GORAB: variants seen among roughly 807,000 people sequenced by gnomAD.
GORAB encodes the protein golgin, RAB6 interacting, also known as RAB6-interacting golgin.
In GORAB, 17 loss-of-function variants were observed where a neutral mutation model predicts 29.9. The observed-to-expected ratio is 0.57, with a 90% CI of 0.39 to 0.85. GORAB has a LOEUF of 0.85. GORAB is among the 40% of genes least tolerant of loss of function. The probability of loss-of-function intolerance (pLI) is 0.00; values close to 1 mark genes in which losing one functional copy is unlikely to be tolerated. For synonymous variants in GORAB, 183 were observed against 157.2 expected (o/e 1.16, Z -1.23); for missense variants, 442 against 437.8 (o/e 1.01, Z -0.09).
chr1:170,546,359 C>T (rs1260560820), intron 4 of GORAB, among the ~76,000 whole-genome samples: 1 of 151,534 alleles, frequency 6.6e-6, no homozygotes, highest in Non-Finnish European at 1.5e-5. Flanking sequence ...CACTGCACTC[C>T]AGCCTGGGCA....
chr1:170,538,770 A>C (rs1649208523), intron 1 of GORAB, among the ~76,000 whole-genome samples: 1 of 152,244 alleles, frequency 6.6e-6, no homozygotes, highest in Admixed American at 6.5e-5. Flanking sequence ...GTTAAAATTT[A>C]AGAGAGGGTA....
chr1:170,538,261 C>A (rs1438909078), intron 1 of GORAB, among the ~76,000 whole-genome samples: 2 of 152,146 alleles, frequency 1.3e-5, no homozygotes, highest in African/African-American at 2.4e-5. Context: ...TTTAACTATA[C>A]TTTGGGAAAT....
rs1256518323 is a variant in GORAB, at chr1:170,553,343, A to T, written c.*881A>T. 1 of 452,864 alleles carries T rather than the reference A, an allele frequency of 2.2e-6. No individual in the cohort carries two copies. Among genetic ancestry groups the T allele is most frequent in the South Asian group, 1.6e-5 (1 of 63,868 alleles). 28.1% of individuals were successfully genotyped at this position (452,864 alleles called of 1,614,324 possible). ...GTCATGAAGCGTTTAAATTGTTAAA[A>T]TGCTGATTTTCTTATTAGTTTGTTA... On this transcript the variant is annotated 3_prime_UTR_variant, in exon 5 of 5. Transcript: ENST00000367763.
intron 3 of GORAB, among the ~76,000 whole-genome samples, chr1:170,543,958 T>A (rs1026532581): frequency 1.3e-5 from 2 of 152,128 alleles, no homozygotes; most frequent in South Asian, 4.1e-4. Context: ...CATGGTGGAT[T>A]TATGTGGGGA....
rs748072444 is a variant in GORAB, at chr1:170,542,471, A to G, written c.420-20A>G. 1.3e-6 allele frequency: 2 copies of G among 1,512,024 alleles called. No homozygotes were observed. Among genetic ancestry groups the G allele is most frequent in the Non-Finnish European group, 1.8e-6 (2 of 1,087,098 alleles). 93.7% of individuals were successfully genotyped at this position (1,512,024 alleles called of 1,614,324 possible). The stretch of plus-strand genomic sequence containing the variant: ...CTTTTTCTTTCATAAACTCATTTTT[A>G]TGCTTTTTTTGCCCCCTAGGCAAGA... On this transcript the variant is annotated intron_variant, in intron 2 of 4. Coordinates refer to ENST00000367763, the MANE Select transcript of GORAB (RefSeq NM_152281.3).
rs1649722593 is a variant in GORAB, at chr1:170,545,820, A to C, written c.662+975A>C. 3.5e-6 allele frequency: 3 copies of C among 846,632 alleles called. No homozygotes were observed. In the Admixed American group the frequency reaches 1.9e-4, roughly 53 times the overall value. The allele number at this position is 846,632 out of a possible 1,614,324, so 52.4% of individuals were successfully genotyped here. A position where few individuals can be genotyped will look rare whatever the true frequency, so the allele number is the denominator to read the frequency against. On this transcript the variant is annotated intron_variant, in intron 4 of 4. Coordinates refer to ENST00000367763, the MANE Select transcript of GORAB (RefSeq NM_152281.3). ...TTGTGGTTGTCCTTGTGACTTTTGT[A>C]ATTGTTGTTGGACCATATGCTATTA... is the stretch of plus-strand genomic sequence containing the variant.
chr1:170,552,389 G>A lies in GORAB; in HGVS notation c.1037G>A (p.Ser346Asn). The change falls in exon 5 of 5, where the codon AGT becomes AAT. Residue 346 changes from serine to asparagine, a missense_variant. Ser to Asn is a conservative substitution (Grantham distance 46). Transcript: ENST00000367763. ...GTAGATGACCAGTGTGGAAATTCCA[G>A]TAGCATCCCCTTTCTTAGTCCAAAC... The part of the protein sequence containing the change: ...PKVDDQCGNS[S>N]SIPFLSPNCP... 1 of 1,614,124 alleles carries A rather than the reference G, an allele frequency of 6.2e-7. No individual in the cohort carries two copies. Among genetic ancestry groups the A allele is most frequent in the East Asian group, 2.2e-5 (1 of 44,888 alleles).
chr1:170,552,298 G>C lies in GORAB; in HGVS notation c.946G>C (p.Glu316Gln). Reference sequence around the variant, plus strand: ...AGAGAGGCCATTTCAGCCTGCGGAGGAGAGTGTGACATTAGAATTTGCTAA... The same window carrying C: ...AGAGAGGCCATTTCAGCCTGCGGAGCAGAGTGTGACATTAGAATTTGCTAA... ...RLERPFQPAE[E>Q]SVTLEFAKEN... is the part of the protein sequence containing the mutation. The change falls in exon 5 of 5, where the codon GAG (glutamate) becomes CAG (glutamine). Residue 316 changes from glutamate to glutamine, a missense_variant. Glu to Gln is a conservative substitution (Grantham distance 29). Transcript: ENST00000367763. The C allele has an allele frequency of 6.2e-7, 1 of 1,614,142 alleles. No homozygotes were observed. Among genetic ancestry groups the C allele is most frequent in the Non-Finnish European group, 8.5e-7 (1 of 1,179,978 alleles).
intron 1 of GORAB, chr1:170,533,565 C>G (rs2101814375): frequency 2.2e-6 from 1 of 455,142 alleles, no homozygotes; most frequent in East Asian, 7.0e-5. Context: ...GCTTCAGAGA[C>G]AAGAGGAACC....
chr1:170,539,061 T>C, intron 1 of GORAB, 149 bp from the exon 2 acceptor site: 1 of 880,782 alleles, frequency 1.1e-6, no homozygotes, highest in East Asian at 2.6e-5. Flanking sequence ...GGAAGATGGC[T>C]GTTTTTCCCC....
chr1:170,544,974 T>G (rs528924559), intron 4 of GORAB, 129 bp downstream of exon 4: 1 of 1,431,460 alleles, frequency 7.0e-7, no homozygotes, highest in East Asian at 2.4e-5. Flanking sequence ...CTGTATTTAT[T>G]CTTCTTTTGT....
chr1:170,552,996 T>C lies in GORAB; in HGVS notation c.*534T>C, dbSNP rs41272499. The C allele has an allele frequency of 0.012, 5,373 of 452,822 alleles. 79 individuals carry two copies. The highest frequency in any genetic ancestry group is 0.029 in the Middle Eastern group (42 of 1,438). 28.1% of individuals were successfully genotyped at this position (452,822 alleles called of 1,614,324 possible). A position where few individuals can be genotyped will look rare whatever the true frequency, so the allele number is the denominator to read the frequency against. ...GAGTTGTAAAACACAACTTGGAAAC[T>C]GGAATTTATGTGAAGAACCAAACAA... On this transcript the variant is annotated 3_prime_UTR_variant, in exon 5 of 5. Transcript: ENST00000367763.
At chr1:170,545,553 C>G (rs780671674) in intron 4 of GORAB, 35 of 984,832 alleles carry the variant, frequency 3.6e-5, no homozygotes, top group Non-Finnish European at 4.1e-5. Flanking sequence ...AAAAATATGT[C>G]CAATTTCAGG....
chr1:170,534,887 G>C (rs1049108998), intron 1 of GORAB, among the ~76,000 whole-genome samples: 1 of 152,170 alleles, frequency 6.6e-6, no homozygotes, highest in African/African-American at 2.4e-5. Flanking sequence ...TGTGATCAGG[G>C]AGAGGGAATT....
chr1:170,552,360 A>G lies in GORAB; in HGVS notation c.1008A>G (p.Pro336=). Residue 336 remains proline, a synonymous_variant, in exon 5 of 5, where the codon CCA becomes CCG. Transcript: ENST00000367763. ...AGTGTCAAGAACAAGCTGTTTCCCC[A>G]AAGGTAGATGACCAGTGTGGAAATT... ...NRKCQEQAVS[P]KVDDQCGNSS... 1 of 1,614,144 alleles carries G rather than the reference A, an allele frequency of 6.2e-7. No individual in the cohort carries two copies. Among genetic ancestry groups the G allele is most frequent in the Non-Finnish European group, 8.5e-7 (1 of 1,179,962 alleles).
At chr1:170,551,960 G>T in intron 4 of GORAB, 55 bp from the exon 5 acceptor site, 1 of 1,471,348 alleles carries the variant, frequency 6.8e-7, no homozygotes, top group Non-Finnish European at 9.4e-7. Context: ...ATCCTCTTTT[G>T]AATATCTTCT....
chr1:170,532,333 G>A, intron 1 of GORAB, 49 bp downstream of exon 1: 1 of 1,596,210 alleles, frequency 6.3e-7, no homozygotes, highest in Middle Eastern at 1.7e-4. Flanking sequence ...TTAAGGGGAA[G>A]AGGCGGGGAT....
chr1:170,547,191 T>A (rs1649814311), intron 4 of GORAB, among the ~76,000 whole-genome samples: 1 of 152,146 alleles, frequency 6.6e-6, no homozygotes, highest in African/African-American at 2.4e-5. Context: ...CCTAGGACAG[T>A]CAGTTTTTAT....
At chr1:170,549,981 T>C (rs937847783) in intron 4 of GORAB, among the ~76,000 whole-genome samples, 3 of 152,236 alleles carry the variant, frequency 2.0e-5, no homozygotes, top group Non-Finnish European at 4.4e-5. Context: ...GCCCCATTTA[T>C]ACTGTTTAAT....
Sources: allele counts gnomAD v4.1 joint callset (sites outside exome capture counted in the v4.1 genomes callset), GRCh38; gene constraint gnomAD v4.1.1; transcripts MANE v1.5; gene names NCBI Gene and HGNC (gene_info 2026-07-23, HGNC 2026-07-21).